Variants in FGF14 observed in about 807,000 individuals in gnomAD.
FGF14 encodes the protein fibroblast growth factor 14.
Under a neutral mutation model 25.5 loss-of-function variants are expected in FGF14, and 5 were observed. That is an observed-to-expected ratio of 0.20 (90% CI 0.10 to 0.41). The LOEUF is 0.41. FGF14 is among the 10% of genes least tolerant of loss of function. The pLI is 1.00. For synonymous variants in FGF14, 138 were observed against 118.3 expected, an observed-to-expected ratio of 1.17 and a Z score of -1.08; for missense variants, 222 against 320.1, an observed-to-expected ratio of 0.69 and a Z score of 2.34.
At chr13:101,924,728 G>C (rs1282687637) in intron 1 of FGF14, among the ~76,000 whole-genome samples, 1 of 152,146 alleles carries the variant, frequency 6.6e-6, no homozygotes, top group African/African-American at 2.4e-5. Flanking sequence ...TTACAGAAGA[G>C]GCAATTAAGC....
At chr13:102,006,048 T>C (rs2039765841) in intron 1 of FGF14, among the ~76,000 whole-genome samples, 1 of 152,202 alleles carries the variant, frequency 6.6e-6, no homozygotes, top group African/African-American at 2.4e-5. Flanking sequence ...CTACCCTCAA[T>C]TTATTCAAAT....
chr13:101,879,730 G>A (rs1350435737), intron 1 of FGF14, among the ~76,000 whole-genome samples: 1 of 150,068 alleles, frequency 6.7e-6, no homozygotes. Flanking sequence ...GTTCTTAAAC[G>A]TAAGTTCTCT....
intron 1 of FGF14, among the ~76,000 whole-genome samples, chr13:102,082,807 A>T (rs1248886824): frequency 6.6e-6 from 1 of 151,692 alleles, no homozygotes. Flanking sequence ...ACAAAAAAAA[A>T]ATTAGCCGGG....
chr13:101,916,751 G>C lies in FGF14; in HGVS notation c.-106C>G, dbSNP rs1361576288. 2.2e-5 allele frequency: 22 copies of C among 998,276 alleles called. No homozygotes were observed. The highest frequency in any genetic ancestry group is 3.1e-5 in the Non-Finnish European group (22 of 703,814). The allele number at this position is 998,276 out of a possible 1,614,324, so 61.8% of individuals were successfully genotyped here. A position where few individuals can be genotyped will look rare whatever the true frequency, so the allele number is the denominator to read the frequency against. ...CAGACCGTGGCTCGCCCTCGGGGCA[G>C]AGGAGGGGGTGCCAGGCGGGACTGG... is the stretch of plus-strand genomic sequence containing the variant. On this transcript the variant is annotated 5_prime_UTR_variant, in exon 1 of 5. Coordinates refer to ENST00000376143, the MANE Select transcript of FGF14 (RefSeq NM_004115.4).
intron 1 of FGF14, among the ~76,000 whole-genome samples, chr13:101,931,345 C>G (rs1207955278): frequency 6.6e-6 from 1 of 152,152 alleles, no homozygotes; most frequent in Non-Finnish European, 1.5e-5. Context: ...TTCACTGTCT[C>G]TTGGTTTTTC....
rs114936799 is a variant in FGF14 at position 101,810,827 on chromosome 13, G to A, written c.408+57898C>T. ...TGTCTTGGATTTTCAAAGAAATTTC[G>A]GATTCCTGTCCTTTCCGTAAGATGC... On this transcript the variant is annotated intron_variant, in intron 3 of 4. Transcript: ENST00000376143. 8.1e-3 allele frequency among the ~76,000 whole-genome samples: 1,232 copies of A among 151,976 alleles called. 19 individuals are homozygous for A. Among genetic ancestry groups the A allele is most frequent in the African/African-American group, 0.028 (1,155 of 41,406 alleles).
chr13:102,098,264 A>T (rs2044498927), intron 1 of FGF14, among the ~76,000 whole-genome samples: 1 of 152,206 alleles, frequency 6.6e-6, no homozygotes, highest in Non-Finnish European at 1.5e-5. Flanking sequence ...TTTTTTATTT[A>T]GCACTCCATT....
chr13:102,072,180 G>T (rs1031589638), intron 1 of FGF14, among the ~76,000 whole-genome samples: 1 of 152,190 alleles, frequency 6.6e-6, no homozygotes, highest in African/African-American at 2.4e-5. Context: ...AAGAGGCAGA[G>T]ATAGAAGGGG....
chr13:101,998,366 A>AC (rs140010085), intron 1 of FGF14, among the ~76,000 whole-genome samples: 2,287 of 152,232 alleles, frequency 0.015, 38 homozygotes, highest in East Asian at 0.031. Context: ...GACCACAAAA[A>AC]TTTTAATGAC....
At chr13:102,333,844 C>G (rs771616009) in intron 1 of FGF14, among the ~76,000 whole-genome samples, 25 of 152,110 alleles carry the variant, frequency 1.6e-4, no homozygotes, top group Non-Finnish European at 2.8e-4. Context: ...GAGAAATCAC[C>G]CAACAGCCAC....
chr13:102,400,921 C>T lies in FGF14; in HGVS notation c.208+550G>A, dbSNP rs949366399. 1.3e-5 allele frequency among the ~76,000 whole-genome samples: 2 copies of T among 152,036 alleles called. No individual in the cohort carries two copies. The highest frequency in any genetic ancestry group is 2.9e-5 in the Non-Finnish European group (2 of 67,994). On this transcript the variant is annotated intron_variant, in intron 1 of 4. Transcript: ENST00000376131. The surrounding 1 kb of genome is among the most constrained non-coding windows in gnomAD (Gnocchi z 4.3). Reference sequence around the variant, plus strand: ...GGGGGAATGAGTTAATGCTCGGGCACCCGGAGCTGGACGGGGGAGGGACGC... The same window carrying T: ...GGGGGAATGAGTTAATGCTCGGGCATCCGGAGCTGGACGGGGGAGGGACGC...
At chr13:101,805,397 G>A (rs1235830236) in intron 3 of FGF14, among the ~76,000 whole-genome samples, 1 of 152,114 alleles carries the variant, frequency 6.6e-6, no homozygotes, top group African/African-American at 2.4e-5. Flanking sequence ...AAAAGCTATA[G>A]ACAGCTGTAA....
chr13:101,944,156 G>A (rs1382492272), intron 1 of FGF14, among the ~76,000 whole-genome samples: 1 of 152,106 alleles, frequency 6.6e-6, no homozygotes, highest in African/African-American at 2.4e-5. Flanking sequence ...GAAGTTTTAT[G>A]GCCAAAGAGG....
intron 1 of FGF14, among the ~76,000 whole-genome samples, chr13:102,377,563 C>T (rs948941188): frequency 1.3e-5 from 2 of 152,196 alleles, no homozygotes; most frequent in Non-Finnish European, 2.9e-5. Context: ...AATCCCAGCA[C>T]TTTGGGAGGT....
At chr13:102,129,691 A>G (rs1290924291) in intron 1 of FGF14, among the ~76,000 whole-genome samples, 3 of 149,738 alleles carry the variant, frequency 2.0e-5, no homozygotes, top group South Asian at 4.3e-4. Context: ...CTATTGTGGG[A>G]TGGGGGTAGG....
chr13:101,770,272 T>C (rs2038688720), intron 3 of FGF14, among the ~76,000 whole-genome samples: 1 of 152,288 alleles, frequency 6.6e-6, no homozygotes. Context: ...TGTGTGCTGT[T>C]ACATTAATGC....
At chr13:102,086,382 T>C (rs1040064136) in intron 1 of FGF14, among the ~76,000 whole-genome samples, 1 of 151,788 alleles carries the variant, frequency 6.6e-6, no homozygotes, top group African/African-American at 2.4e-5. Context: ...TACAAAATAT[T>C]AGCCGGGCGT....
chr13:101,965,562 T>C (rs1168814454), intron 1 of FGF14, among the ~76,000 whole-genome samples: 1 of 152,158 alleles, frequency 6.6e-6, no homozygotes, highest in African/African-American at 2.4e-5. Flanking sequence ...CTTTAAGTCT[T>C]GACAATTTGG....
chr13:102,042,981 T>C (rs1038205710), intron 1 of FGF14, among the ~76,000 whole-genome samples: 5 of 152,134 alleles, frequency 3.3e-5, no homozygotes, highest in Non-Finnish European at 5.9e-5. Context: ...AGAGAATCAC[T>C]GGACTAAAAA....
Sources: gnomAD v4.1 joint callset for allele counts (sites outside exome capture counted in the v4.1 genomes callset) on GRCh38, gnomAD v4.1.1 for gene constraint, Gnocchi (gnomAD v3.1) non-coding constraint, MANE v1.5 for transcripts, NCBI Gene and HGNC (gene_info 2026-07-23, HGNC 2026-07-21) for gene names.